The following ANKRD36B variants were observed in gnomAD, a reference collection of about 807,000 sequenced individuals.
ANKRD36B encodes the protein ankyrin repeat domain-containing protein 36B.
ANKRD36B carries 37 observed loss-of-function variants against 135.7 expected under a neutral mutation model. That is an observed-to-expected ratio of 0.27 (90% confidence interval 0.21 to 0.36). The LOEUF is 0.36. Ranked by LOEUF, ANKRD36B falls within the 10% of genes least tolerant of loss-of-function variation. The pLI is 1.00. For missense variants in ANKRD36B, 549 were observed against 1,037.1 expected, an observed-to-expected ratio of 0.53 and a Z score of 6.46; for synonymous variants, 179 against 348.1, an observed-to-expected ratio of 0.51 and a Z score of 5.41.
intron 6 of ANKRD36B, among the ~76,000 whole-genome samples, chr2:97,573,590 A>C (rs890626433): frequency 2.6e-5 from 4 of 152,144 alleles, no homozygotes; most frequent in Admixed American, 2.6e-4. Flanking sequence ...AGTCAATCCT[A>C]AGCCAAAAGA....
At position 97,547,416 on chromosome 2, in the gene ANKRD36B, A is replaced by C. The variant is rs919453739; in HGVS notation, c.1579+120T>G. ...CCCACGAACTTATTTGAAATGAAGA[A>C]TCTCAGGACTGCTGAATCAGAATGT... is the stretch of plus-strand genomic sequence containing the variant. On this transcript the variant is annotated intron_variant, in intron 22 of 43. Coordinates refer to ENST00000359901, the MANE Select transcript of ANKRD36B (RefSeq NM_001393939.1). 7 of 1,119,658 alleles carry C rather than the reference A, an allele frequency of 6.3e-6. No individual in the cohort carries two copies. In the African/African-American group the frequency reaches 1.1e-4, roughly 17 times the overall value. 69.4% of individuals were successfully genotyped at this position (1,119,658 alleles called of 1,614,324 possible). A position where few individuals can be genotyped will look rare whatever the true frequency, so the allele number is the denominator to read the frequency against.
chr2:97,550,958 C>G (rs1386996613), intron 18 of ANKRD36B, among the ~76,000 whole-genome samples: 4 of 151,920 alleles, frequency 2.6e-5, no homozygotes, highest in Middle Eastern at 3.2e-3. Context: ...TCTGTAAAAT[C>G]TGTACTTCCT....
chr2:97,535,699 C>T lies in ANKRD36B; in HGVS notation c.2191+601G>A, dbSNP rs2078850482. ...TATCAAAATTGATCTCTTTAATTCGCTAAAAACTATTGAATTCCAAATTGG... is the reference window on the plus strand; with the variant it reads ...TATCAAAATTGATCTCTTTAATTCGTTAAAAACTATTGAATTCCAAATTGG... On this transcript the variant is annotated intron_variant, in intron 34 of 43. Coordinates refer to ENST00000359901, the MANE Select transcript of ANKRD36B (RefSeq NM_001393939.1). Among the ~76,000 whole-genome samples the T allele has an allele frequency of 2.0e-5, 2 of 97,616 alleles. 1 individual carries two copies. The highest frequency in any genetic ancestry group is 4.7e-4 in the South Asian group (2 of 4,296). The allele number at this position is 97,616 out of a possible 152,430, so 64.0% of individuals were successfully genotyped here. A position where few individuals can be genotyped will look rare whatever the true frequency, so the allele number is the denominator to read the frequency against.
intron 6 of ANKRD36B, among the ~76,000 whole-genome samples, chr2:97,566,688 T>C (rs1042730928): frequency 2.0e-5 from 3 of 152,098 alleles, no homozygotes; most frequent in African/African-American, 7.2e-5. Flanking sequence ...GTAGGCATTG[T>C]CAAAGAACAT....
Position 97,579,039 on chromosome 2 carries a change from C to A in ANKRD36B, c.562G>T (p.Ala188Ser). 7 of 1,605,006 alleles carry A rather than the reference C, an allele frequency of 4.4e-6. No homozygotes were observed. Among genetic ancestry groups the A allele is most frequent in the Middle Eastern group, 1.7e-4 (1 of 6,042 alleles). Residue 188 changes from alanine to serine, a missense_variant, in exon 5 of 44, where the codon GCC becomes TCC. Coordinates refer to ENST00000359901, the MANE Select transcript of ANKRD36B (RefSeq NM_001393939.1). ...VNAIDYLGRSALILAVTLGEK... is the reference protein window; with the variant it reads ...VNAIDYLGRSSLILAVTLGEK... ...CCAAGAGTAACAGCAAGTATGAGGG[C>A]TGATCTAAAATAACAGAGAGGTAAT...
intron 22 of ANKRD36B, among the ~76,000 whole-genome samples, chr2:97,546,632 CAGA>C (rs2079495528): frequency 6.6e-6 from 1 of 151,660 alleles, no homozygotes; most frequent in Admixed American, 6.6e-5. Flanking sequence ...GTTTTTCATT[CAGA>C]AATCACTGCA....
intron 14 of ANKRD36B, among the ~76,000 whole-genome samples, chr2:97,554,641 T>A (rs954460289): frequency 1.3e-5 from 2 of 151,982 alleles, no homozygotes; most frequent in African/African-American, 4.8e-5. Flanking sequence ...GTGGTCTCGT[T>A]AGTTCTCGTT....
rs1419031489 is a variant in ANKRD36B, at chr2:97,540,212, G to A, written c.1903C>T (p.Pro635Ser). ...AAGAGTTTAATTACCTTCAAGGCTGGTCGTCTCTGAGAAGACACTGAAAAG... is the reference window on the plus strand; with the variant it reads ...AAGAGTTTAATTACCTTCAAGGCTGATCGTCTCTGAGAAGACACTGAAAAG... ...IRGTVSSQRR[P>S]ALKTTGDEKD... Residue 635 changes from proline to serine, a missense_variant, in exon 29 of 44, where the codon CCA becomes TCA. Coordinates refer to ENST00000359901, the MANE Select transcript of ANKRD36B (RefSeq NM_001393939.1). 1.0e-6 allele frequency: 1 copy of A among 967,366 alleles called. No homozygotes were observed. The highest frequency in any genetic ancestry group is 1.6e-6 in the Non-Finnish European group (1 of 641,292). 59.9% of individuals were successfully genotyped at this position (967,366 alleles called of 1,614,324 possible).
intron 5 of ANKRD36B, among the ~76,000 whole-genome samples, chr2:97,578,014 T>C (rs549060127): frequency 1.3e-5 from 2 of 152,030 alleles, no homozygotes; most frequent in South Asian, 4.1e-4. Context: ...CTATCCTAAC[T>C]AATATTTGCT....
intron 14 of ANKRD36B, among the ~76,000 whole-genome samples, chr2:97,554,640 T>G (rs2080337980): frequency 6.6e-6 from 1 of 151,952 alleles, no homozygotes; most frequent in Non-Finnish European, 1.5e-5. Flanking sequence ...AGTGGTCTCG[T>G]TAGTTCTCGT....
At chr2:97,581,543 T>C (rs546905367) in intron 3 of ANKRD36B, among the ~76,000 whole-genome samples, 162 of 151,878 alleles carry the variant, frequency 1.1e-3, no homozygotes, top group African/African-American at 3.8e-3. Flanking sequence ...CTGTATGAAA[T>C]GTTATTCTCA....
Position 97,547,782 on chromosome 2 carries a change from T to C in ANKRD36B, c.1478-51A>G, listed in dbSNP as rs2079617522. The C allele has an allele frequency of 1.0e-5, 16 of 1,536,206 alleles. No individual in the cohort carries two copies. The African/African-American group carries it at 1.1e-4, about 11-fold the overall frequency. On this transcript the variant is annotated intron_variant, in intron 20 of 43. Transcript: ENST00000359901. The stretch of plus-strand genomic sequence containing the variant: ...CACTCATATGTAAAAATGACAAAAT[T>C]ATCCACACATTCACGCAGTGTTAGC...
At chr2:97,581,107 C>T (rs1487113470) in intron 3 of ANKRD36B, among the ~76,000 whole-genome samples, 2 of 137,140 alleles carry the variant, frequency 1.5e-5, no homozygotes, top group Admixed American at 7.1e-5. Flanking sequence ...AAAAATGTTA[C>T]AAAACTGTGC....
chr2:97,537,511 C>T lies in ANKRD36B; in HGVS notation c.2089+657G>A, dbSNP rs1304015717. On this transcript the variant is annotated intron_variant, in intron 32 of 43. Transcript: ENST00000359901. The stretch of plus-strand genomic sequence containing the variant: ...ATACTAATAAACATGAATAATGAGG[C>T]ACTGTGATTTATCCCAATTCTAGCA... Among the ~76,000 whole-genome samples the T allele has an allele frequency of 3.1e-5, 3 of 96,750 alleles. 1 individual carries two copies. Among genetic ancestry groups the T allele is most frequent in the Non-Finnish European group, 8.3e-5 (3 of 36,268 alleles). The allele number at this position is 96,750 out of a possible 152,430, so 63.5% of individuals were successfully genotyped here.
intron 35 of ANKRD36B, chr2:97,524,314 C>A (rs1158906067): frequency 3.2e-5 from 3 of 94,744 alleles, no homozygotes; most frequent in African/African-American, 9.5e-5. Context: ...GGTTTTTTGT[C>A]ATTTGCCTCA....
At chr2:97,564,217 T>G (rs2081268417) in intron 6 of ANKRD36B, among the ~76,000 whole-genome samples, 1 of 152,064 alleles carries the variant, frequency 6.6e-6, no homozygotes. Flanking sequence ...TAAGTTTTAG[T>G]AGTATAGAGA....
In ANKRD36B at chr2:97,553,469, G is replaced by A. The variant is rs1438757253; in HGVS notation, c.1172-98C>T. On this transcript the variant is annotated intron_variant, in intron 14 of 43. Coordinates refer to ENST00000359901, the MANE Select transcript of ANKRD36B (RefSeq NM_001393939.1). Reference sequence around the variant, plus strand: ...AGCATCAAGCTGTATCCGCCTGCCTGTATTAGTGTAGGCTTTGATGTTTTC... The same window carrying A: ...AGCATCAAGCTGTATCCGCCTGCCTATATTAGTGTAGGCTTTGATGTTTTC... 39 of 1,380,096 alleles carry A rather than the reference G, an allele frequency of 2.8e-5. No individual in the cohort carries two copies. In the East Asian group the frequency reaches 8.6e-4, roughly 30 times the overall value. 85.5% of individuals were successfully genotyped at this position (1,380,096 alleles called of 1,614,324 possible).
rs1394775366 is a variant in ANKRD36B at position 97,527,753 on chromosome 2, T to C, written c.2266-4286A>G. Among the ~76,000 whole-genome samples, 2 of 95,278 alleles carry C rather than the reference T, an allele frequency of 2.1e-5. 1 individual carries two copies. The highest frequency in any genetic ancestry group is 5.6e-5 in the Non-Finnish European group (2 of 35,936). The allele number at this position is 95,278 out of a possible 152,430, so 62.5% of individuals were successfully genotyped here. A position where few individuals can be genotyped will look rare whatever the true frequency, so the allele number is the denominator to read the frequency against. ...AAACAAAAAAAGGCAGGGGTTGCAA[T>C]CCTATCTCTGATAAAACAGACTTTA... On this transcript the variant is annotated intron_variant, in intron 35 of 43. Coordinates refer to ENST00000359901, the MANE Select transcript of ANKRD36B (RefSeq NM_001393939.1).
intron 6 of ANKRD36B, among the ~76,000 whole-genome samples, chr2:97,575,888 T>C (rs1170132290): frequency 2.0e-5 from 3 of 152,020 alleles, no homozygotes; most frequent in Non-Finnish European, 2.9e-5. Context: ...TACTTTCTTG[T>C]ACTCAGAATA....
Sources: allele counts gnomAD v4.1 joint callset (sites outside exome capture counted in the v4.1 genomes callset), GRCh38; gene constraint gnomAD v4.1.1; transcripts MANE v1.5; gene names NCBI Gene and HGNC (gene_info 2026-07-23, HGNC 2026-07-21).